EPHB1: variants seen among roughly 807,000 people sequenced by gnomAD.
EPHB1 encodes the protein EPH receptor B1.
EPHB1 carries 30 observed loss-of-function variants against 94.4 expected under a neutral mutation model. The observed-to-expected ratio is 0.32, with a 90% CI of 0.24 to 0.43. The LOEUF (loss-of-function observed/expected upper bound fraction) is 0.43, where lower values mean the gene tolerates loss of function less well. Ranked by LOEUF, EPHB1 falls within the 20% of genes least tolerant of loss-of-function variation. EPHB1 has a pLI of 1.00. For synonymous variants in EPHB1, 522 were observed against 489.1 expected (o/e 1.07, Z -0.89); for missense variants, 1,055 against 1,308.3 (o/e 0.81, Z 2.99).
chr3:134,819,176 A>G (rs2036332876), intron 1 of EPHB1, among the ~76,000 whole-genome samples: 1 of 152,186 alleles, frequency 6.6e-6, no homozygotes, highest in African/African-American at 2.4e-5. Context: ...GAGCATAGAG[A>G]AATGGACGTT....
intron 1 of EPHB1, among the ~76,000 whole-genome samples, chr3:134,849,423 A>C (rs1361175640): frequency 6.6e-6 from 1 of 152,188 alleles, no homozygotes; most frequent in Non-Finnish European, 1.5e-5. Context: ...GGGAAACAGA[A>C]TCTCATCAAG....
intron 12 of EPHB1, among the ~76,000 whole-genome samples, chr3:135,204,802 C>G (rs1364961082): frequency 6.6e-6 from 1 of 151,862 alleles, no homozygotes; most frequent in East Asian, 1.9e-4. Context: ...CATGCCCAGC[C>G]TCTTTCAGTT....
At position 134,928,771 on chromosome 3, in the gene EPHB1, G is replaced by A. The variant is rs1578204542; in HGVS notation, c.123+2891G>A. Among the ~76,000 whole-genome samples, 8 of 152,306 alleles carry A rather than the reference G, an allele frequency of 5.3e-5. No homozygotes were observed. In the South Asian group the frequency reaches 1.7e-3, roughly 32 times the overall value. ...GGGAGTGTCCAGAGAGGAAAGAGGT[G>A]AGAGCTTTGGATGGATAACCTGCAC... On this transcript the variant is annotated intron_variant, in intron 2 of 15. Transcript: ENST00000398015.
At chr3:135,060,022 AG>A (rs1274110678) in intron 3 of EPHB1, among the ~76,000 whole-genome samples, 1 of 152,252 alleles carries the variant, frequency 6.6e-6, no homozygotes, top group Non-Finnish European at 1.5e-5. Context: ...TATTTCTGAA[AG>A]AACAGACAAT....
chr3:135,020,341 T>TA (rs1935946073), intron 3 of EPHB1, among the ~76,000 whole-genome samples: 1 of 152,070 alleles, frequency 6.6e-6, no homozygotes, highest in East Asian at 1.9e-4. Context: ...ATTCATAGAG[T>TA]TGTGCAACCA....
At chr3:134,835,027 C>T (rs184060925) in intron 1 of EPHB1, among the ~76,000 whole-genome samples, 2 of 152,290 alleles carry the variant, frequency 1.3e-5, no homozygotes, top group African/African-American at 2.4e-5. Flanking sequence ...AATTTAGAGG[C>T]GCACTCTCAT....
At chr3:134,830,783 C>T (rs1438825185) in intron 1 of EPHB1, among the ~76,000 whole-genome samples, 2 of 152,220 alleles carry the variant, frequency 1.3e-5, no homozygotes, top group Non-Finnish European at 2.9e-5. Context: ...CAACCTTGCC[C>T]TCCCAGCTAG....
At chr3:135,220,357 G>A (rs1211422304) in intron 12 of EPHB1, among the ~76,000 whole-genome samples, 3 of 152,154 alleles carry the variant, frequency 2.0e-5, no homozygotes, top group Non-Finnish European at 4.4e-5. Flanking sequence ...TCCCACAAAA[G>A]CATTCAAGTA....
chr3:134,846,695 G>A (rs1230294329), intron 1 of EPHB1, among the ~76,000 whole-genome samples: 2 of 152,108 alleles, frequency 1.3e-5, no homozygotes, highest in African/African-American at 4.8e-5. Context: ...TGCAGGAGGT[G>A]TTTTGGGAAG....
intron 3 of EPHB1, among the ~76,000 whole-genome samples, chr3:135,074,353 C>A (rs1431530503): frequency 6.6e-6 from 1 of 152,102 alleles, no homozygotes; most frequent in Non-Finnish European, 1.5e-5. Flanking sequence ...TGAATAAATG[C>A]AAGTTTAGAA....
chr3:135,045,792 G>T (rs988485859), intron 3 of EPHB1, among the ~76,000 whole-genome samples: 1 of 152,150 alleles, frequency 6.6e-6, no homozygotes, highest in Admixed American at 6.5e-5. Flanking sequence ...AGAGGTAAAA[G>T]TTCCATTGGA....
chr3:134,804,095 T>C (rs2035988579), intron 1 of EPHB1, among the ~76,000 whole-genome samples: 1 of 135,868 alleles, frequency 7.4e-6, no homozygotes, highest in African/African-American at 3.0e-5. Flanking sequence ...TTTTTTTTTT[T>C]TTTTTTTTTT....
chr3:134,917,801 C>T (rs754858360), intron 1 of EPHB1, among the ~76,000 whole-genome samples: 1 of 152,232 alleles, frequency 6.6e-6, no homozygotes, highest in African/African-American at 2.4e-5. Flanking sequence ...TGGAGACTTA[C>T]ACAATAAGAG....
intron 1 of EPHB1, among the ~76,000 whole-genome samples, chr3:134,916,684 G>A (rs570323420): frequency 9.2e-5 from 14 of 152,294 alleles, no homozygotes; most frequent in South Asian, 2.1e-4. Context: ...ACGCCCACCC[G>A]GAACTGGCGC....
chr3:134,990,686 A>G (rs1934764146), intron 3 of EPHB1, among the ~76,000 whole-genome samples: 1 of 152,194 alleles, frequency 6.6e-6, no homozygotes. Flanking sequence ...ATCTGTGCTC[A>G]TTCTCCTGTA....
chr3:134,946,930 C>T (rs1208989605), intron 2 of EPHB1, among the ~76,000 whole-genome samples: 6 of 152,164 alleles, frequency 3.9e-5, no homozygotes, highest in Non-Finnish European at 8.8e-5. Flanking sequence ...TCAGGTATTC[C>T]TTTATAGCAA....
At chr3:134,926,016 A>C (rs2038784917) in intron 2 of EPHB1, 136 bp downstream of exon 2, 1 of 707,006 alleles carries the variant, frequency 1.4e-6, no homozygotes, top group Non-Finnish European at 2.2e-6. Context: ...TCCACTGCCC[A>C]TCCATGCAAA....
intron 4 of EPHB1, 78 bp downstream of exon 4, chr3:135,106,681 A>G: frequency 1.9e-6 from 3 of 1,556,786 alleles, no homozygotes; most frequent in Non-Finnish European, 2.6e-6. Context: ...GGCAAGGAAG[A>G]GAAGACATCA....
intron 4 of EPHB1, among the ~76,000 whole-genome samples, chr3:135,125,430 C>T (rs1364891455): frequency 6.7e-6 from 1 of 148,164 alleles, no homozygotes; most frequent in Non-Finnish European, 1.5e-5. Context: ...TATCACAGCC[C>T]TTTCCTCTAT....
Sources: gnomAD v4.1 joint callset for allele counts (sites outside exome capture counted in the v4.1 genomes callset) on GRCh38, gnomAD v4.1.1 for gene constraint, MANE v1.5 for transcripts, NCBI Gene and HGNC (gene_info 2026-07-23, HGNC 2026-07-21) for gene names.